The following CYLD variants were observed in gnomAD, a reference collection of about 807,000 sequenced individuals.
CYLD encodes ubiquitin carboxyl-terminal hydrolase CYLD.
In CYLD, 26 loss-of-function variants were observed where a neutral mutation model predicts 104.5. The observed-to-expected ratio is 0.25, with a 90% CI of 0.18 to 0.35. The LOEUF (loss-of-function observed/expected upper bound fraction) is 0.35, where lower values mean the gene tolerates loss of function less well. Ranked by LOEUF, CYLD falls within the 10% of genes least tolerant of loss-of-function variation. CYLD has a pLI of 1.00. For synonymous variants in CYLD, 385 were observed against 399.9 expected (o/e 0.96, Z 0.45); for missense variants, 703 against 1,136.1 (o/e 0.62, Z 5.48).
At chr16:50,751,124 C>T (rs571464056) in intron 3 of CYLD, among the ~76,000 whole-genome samples, 11 of 152,282 alleles carry the variant, frequency 7.2e-5, no homozygotes, top group African/African-American at 2.2e-4. Context: ...CATTTACTAG[C>T]TGGGTTGCCA....
Position 50,750,156 on chromosome 16 carries a change from TAGC to T in CYLD, c.461_463del (p.Ala154del). On this transcript the variant is annotated inframe_deletion, in exon 3 of 19. Transcript: ENST00000427738. ...GTTGTACGCTTCAGAGGACCCCTGT[TAGC>T]AGAGAGGACAGTCTCCGGAATATTC... 1 of 1,614,074 alleles carries T rather than the reference TAGC, an allele frequency of 6.2e-7. No homozygotes were observed. Among genetic ancestry groups the T allele is most frequent in the Non-Finnish European group, 8.5e-7 (1 of 1,179,984 alleles).
At chr16:50,751,964 GTA>G (rs778588431) in intron 4 of CYLD, 58 bp downstream of exon 4, 507 of 502,240 alleles carry the variant, frequency 1.0e-3, no homozygotes, top group East Asian at 2.6e-3. Context: ...ATATATATAT[GTA>G]TATATATATA....
intron 8 of CYLD, among the ~76,000 whole-genome samples, chr16:50,779,288 T>C (rs879828977): frequency 1.3e-5 from 2 of 152,206 alleles, no homozygotes; most frequent in Non-Finnish European, 2.9e-5. Flanking sequence ...CTTTTTTCTT[T>C]ATTGTTAAAA....
intron 5 of CYLD, among the ~76,000 whole-genome samples, chr16:50,768,015 A>G (rs564786159): frequency 1.3e-4 from 20 of 152,316 alleles, no homozygotes; most frequent in Admixed American, 2.0e-4. Context: ...AATTAGTTAC[A>G]TGAATATCTT....
chr16:50,797,731 GA>G lies in CYLD; in HGVS notation c.*1227del, dbSNP rs1972163854. On this transcript the variant is annotated 3_prime_UTR_variant, in exon 19 of 19. Coordinates refer to ENST00000427738, the MANE Select transcript of CYLD (RefSeq NM_001378743.1). ...GACTTTCTAACTGTGCAGAAAGGCA[GA>G]AAAGTCATCATATGTATATGTCATA... 1 of 232,686 alleles carries G rather than the reference GA, an allele frequency of 4.3e-6. No homozygotes were observed. The highest frequency in any genetic ancestry group is 8.5e-6 in the Non-Finnish European group (1 of 117,756). The allele number at this position is 232,686 out of a possible 1,614,324, so 14.4% of individuals were successfully genotyped here.
intron 3 of CYLD, among the ~76,000 whole-genome samples, chr16:50,750,940 G>A (rs1234698853): frequency 6.6e-6 from 1 of 152,170 alleles, no homozygotes; most frequent in Non-Finnish European, 1.5e-5. Flanking sequence ...ACCGGAAGGA[G>A]ACCCAAGAAT....
intron 2 of CYLD, among the ~76,000 whole-genome samples, chr16:50,743,386 A>G (rs1965888052): frequency 6.6e-6 from 1 of 152,160 alleles, no homozygotes. Flanking sequence ...GGAGAAAATG[A>G]TTTGCTGGAA....
chr16:50,751,561 G>T (rs192488410), intron 3 of CYLD, 43 bp from the exon 4 acceptor site: 1 of 1,587,844 alleles, frequency 6.3e-7, no homozygotes. Flanking sequence ...CCTATGGATC[G>T]TCTTTCTATA....
rs987849205 is a variant in CYLD, at chr16:50,754,958, C to T, written c.913+534C>T. 5.1e-4 allele frequency among the ~76,000 whole-genome samples: 72 copies of T among 140,640 alleles called. 1 individual carries two copies. Among genetic ancestry groups the T allele is most frequent in the Admixed American group, 8.6e-4 (12 of 13,924 alleles). The allele number at this position is 140,640 out of a possible 152,430, so 92.3% of individuals were successfully genotyped here. On this transcript the variant is annotated intron_variant, in intron 5 of 18. Transcript: ENST00000427738. ...ATATGTATATATACACACATATATA[C>T]ATATACACACATATATGTATACATA... is the stretch of plus-strand genomic sequence containing the variant.
At chr16:50,751,229 A>G (rs1264481320) in intron 3 of CYLD, among the ~76,000 whole-genome samples, 1 of 152,218 alleles carries the variant, frequency 6.6e-6, no homozygotes, top group Non-Finnish European at 1.5e-5. Flanking sequence ...TTTGTGGTAC[A>G]TTGATGCAGG....
At chr16:50,765,226 C>T (rs935295187) in intron 5 of CYLD, among the ~76,000 whole-genome samples, 13 of 152,174 alleles carry the variant, frequency 8.5e-5, no homozygotes, top group Non-Finnish European at 1.6e-4. Flanking sequence ...GTGCACACTT[C>T]GTGTCTCTGT....
intron 10 of CYLD, 108 bp from the exon 11 acceptor site, chr16:50,782,217 C>T: frequency 1.1e-6 from 1 of 925,772 alleles, no homozygotes; most frequent in Non-Finnish European, 1.6e-6. Flanking sequence ...AAAAATTTTG[C>T]ATCAAAATAC....
rs903593207 is a variant in CYLD at position 50,798,309 on chromosome 16, A to AT, written c.*1809dup. On this transcript the variant is annotated 3_prime_UTR_variant, in exon 19 of 19. Coordinates refer to ENST00000427738, the MANE Select transcript of CYLD (RefSeq NM_001378743.1). ...CAACCAACTGCAAATGGAAAATACGATTTTTTTTAAAAAAAGGATGGTTAC... is the reference window on the plus strand; with the variant it reads ...CAACCAACTGCAAATGGAAAATACGATTTTTTTTTAAAAAAAGGATGGTTAC... 4.3e-5 allele frequency: 10 copies of AT among 231,438 alleles called. No individual in the cohort carries two copies. Among genetic ancestry groups the AT allele is most frequent in the Admixed American group, 1.7e-4 (3 of 17,714 alleles). 14.3% of individuals were successfully genotyped at this position (231,438 alleles called of 1,614,324 possible). A position where few individuals can be genotyped will look rare whatever the true frequency, so the allele number is the denominator to read the frequency against.
At chr16:50,757,084 T>C (rs1967332892) in intron 5 of CYLD, among the ~76,000 whole-genome samples, 1 of 152,314 alleles carries the variant, frequency 6.6e-6, no homozygotes, top group Non-Finnish European at 1.5e-5. Context: ...AGGATCACAA[T>C]TGAATAAGCA....
intron 3 of CYLD, 151 bp downstream of exon 3, chr16:50,750,353 G>C: frequency 1.1e-6 from 1 of 944,118 alleles, no homozygotes; most frequent in Non-Finnish European, 1.7e-6. Flanking sequence ...CCTTGCTGAT[G>C]AATCCATGTT....
chr16:50,742,598 C>T (rs940542025), intron 1 of CYLD, 164 bp from the exon 2 acceptor site: 60 of 205,154 alleles, frequency 2.9e-4, no homozygotes, highest in African/African-American at 1.4e-3. Flanking sequence ...CGCTGGCGGG[C>T]CCCGACGGCC....
chr16:50,763,026 C>T (rs1296556717), intron 5 of CYLD, among the ~76,000 whole-genome samples: 1 of 152,110 alleles, frequency 6.6e-6, no homozygotes, highest in Non-Finnish European at 1.5e-5. Context: ...ATCTCCCAAA[C>T]CCTTCATCCT....
At chr16:50,744,063 C>A (rs1596946014) in intron 2 of CYLD, among the ~76,000 whole-genome samples, 2 of 152,068 alleles carry the variant, frequency 1.3e-5, no homozygotes, top group South Asian at 2.1e-4. Flanking sequence ...CGTGTGGGCA[C>A]TGGATAATAT....
At position 50,799,258 on chromosome 16, in the gene CYLD, T is replaced by C. The variant is rs1972295835; in HGVS notation, c.*2750T>C. ...GATTCATGATTACAAGTAGAAAATA[T>C]GTCATGTTCCTCACCTCCAAATAAA... is the stretch of plus-strand genomic sequence containing the variant. On this transcript the variant is annotated 3_prime_UTR_variant, in exon 19 of 19. Coordinates refer to ENST00000427738, the MANE Select transcript of CYLD (RefSeq NM_001378743.1). The C allele has an allele frequency of 8.6e-6, 2 of 233,406 alleles. No homozygotes were observed. Among genetic ancestry groups the C allele is most frequent in the East Asian group, 1.2e-4 (2 of 16,710 alleles). The allele number at this position is 233,406 out of a possible 1,614,324, so 14.5% of individuals were successfully genotyped here.
Sources: allele counts gnomAD v4.1 joint callset (sites outside exome capture counted in the v4.1 genomes callset), GRCh38; gene constraint gnomAD v4.1.1; transcripts MANE v1.5; gene names NCBI Gene and HGNC (gene_info 2026-07-23, HGNC 2026-07-21).